DST: variants seen among roughly 807,000 people sequenced by gnomAD.
DST encodes dystonin.
DST carries 253 observed loss-of-function variants against 875.2 expected under a neutral mutation model. The observed-to-expected ratio is 0.29, with a 90% CI of 0.26 to 0.32. The LOEUF (loss-of-function observed/expected upper bound fraction) is 0.32. Among genes scored for constraint, DST ranks in the 10% least tolerant of loss-of-function variants. DST has a pLI of 1.00. For missense variants in DST, 8,287 were observed against 9,111.6 expected, an observed-to-expected ratio of 0.91 and a Z score of 3.68; for synonymous variants, 3,124 against 3,197.1, an observed-to-expected ratio of 0.98 and a Z score of 0.77.
chr6:56,698,329 A>T (rs55940201), intron 9 of DST, among the ~76,000 whole-genome samples: 12,436 of 144,110 alleles, frequency 0.086, 1,709 homozygotes, highest in African/African-American at 0.29. Flanking sequence ...AAAAAAAAAA[A>T]TTTTTTTTTT....
intron 4 of DST, among the ~76,000 whole-genome samples, chr6:56,811,859 C>T (rs931679614): frequency 1.3e-5 from 2 of 151,968 alleles, no homozygotes; most frequent in African/African-American, 4.8e-5. Context: ...CTTTGGGAGG[C>T]CAAGGCAGGT....
At position 56,554,975 on chromosome 6, in the gene DST, T is replaced by C. The variant is rs116320194; in HGVS notation, c.15136+370A>G. Among the ~76,000 whole-genome samples the C allele has an allele frequency of 8.9e-3, 1,360 of 152,330 alleles. 19 individuals are homozygous for C. The highest frequency in any genetic ancestry group is 0.032 in the African/African-American group (1,310 of 41,574). ...GTTTTCTATGACAGAATAGATAAAG[T>C]AACAGCAGATGAGAAGATGATGCAA... On this transcript the variant is annotated intron_variant, in intron 60 of 103. Transcript: ENST00000680361.
In DST at chr6:56,509,840, G is replaced by A; in HGVS notation, c.18814C>T (p.Leu6272=). ...CTCAGACGTTCCACGATGCGTTCCAGGCTCTCAAGGATCTGATCTATCTTG... is the reference window on the plus strand; with the variant it reads ...CTCAGACGTTCCACGATGCGTTCCAAGCTCTCAAGGATCTGATCTATCTTG... ...HDKIDQILES[L]ERIVERLRQP... The change falls in exon 74 of 104, where the codon CTG becomes TTG. Residue 6272 remains leucine, a synonymous_variant. Transcript: ENST00000680361. The A allele has an allele frequency of 6.2e-7, 1 of 1,613,284 alleles. No individual in the cohort carries two copies. The highest frequency in any genetic ancestry group is 8.5e-7 in the Non-Finnish European group (1 of 1,179,552).
intron 4 of DST, among the ~76,000 whole-genome samples, chr6:56,755,023 G>A (rs1010383606): frequency 6.6e-6 from 1 of 150,674 alleles, no homozygotes; most frequent in Non-Finnish European, 1.5e-5. Context: ...TTTCAGCTCC[G>A]AAGTACATTC....
chr6:56,643,035 T>A, intron 15 of DST: 1 of 785,930 alleles, frequency 1.3e-6, no homozygotes, highest in Non-Finnish European at 1.9e-6. Flanking sequence ...TAGCTTGTAT[T>A]AAAACCCTAC....
chr6:56,877,169 T>A (rs2127624822), intron 3 of DST, among the ~76,000 whole-genome samples: 1 of 152,360 alleles, frequency 6.6e-6, no homozygotes, highest in Middle Eastern at 3.4e-3. Context: ...GACTGTGCAA[T>A]GTAAACCCAT....
At chr6:56,475,434 C>CACACACACACAA (rs1554218118) in intron 92 of DST, among the ~76,000 whole-genome samples, 5 of 144,736 alleles carry the variant, frequency 3.5e-5, no homozygotes, top group African/African-American at 1.3e-4. Context: ...CACACACACA[C>CACACACACACAA]AAAATAATGG....
rs577129635 is a variant in DST, at chr6:56,778,988, A to C, written c.626-43699T>G. On this transcript the variant is annotated intron_variant, in intron 4 of 103. Transcript: ENST00000680361. ...ACTTCCACAATGGTTGAATGAGTTT[A>C]CAGTCCCACCAATAGCGTAAAAGTG... Among the ~76,000 whole-genome samples, 21 of 152,194 alleles carry C rather than the reference A, an allele frequency of 1.4e-4. No individual in the cohort carries two copies. The South Asian group carries it at 3.1e-3, about 23-fold the overall frequency.
At chr6:56,704,635 A>C (rs185999644) in intron 5 of DST, among the ~76,000 whole-genome samples, 3 of 152,348 alleles carry the variant, frequency 2.0e-5, no homozygotes, top group Non-Finnish European at 4.4e-5. Flanking sequence ...GGACTACTAC[A>C]TGGGGTTACA....
intron 75 of DST, among the ~76,000 whole-genome samples, chr6:56,507,834 C>T (rs1193620405): frequency 1.3e-5 from 2 of 152,006 alleles, no homozygotes; most frequent in Admixed American, 6.6e-5. Flanking sequence ...GCAGGGGATG[C>T]CTCTGACGGG....
intron 77 of DST, among the ~76,000 whole-genome samples, chr6:56,504,531 C>T (rs1244427920): frequency 6.6e-6 from 1 of 152,036 alleles, no homozygotes; most frequent in East Asian, 1.9e-4. Context: ...TTGACTCAAA[C>T]CCTTACATAT....
At chr6:56,925,906 A>G (rs144545554) in intron 2 of DST, among the ~76,000 whole-genome samples, 22 of 152,308 alleles carry the variant, frequency 1.4e-4, no homozygotes, top group African/African-American at 5.3e-4. Context: ...GGAAAAATAA[A>G]CCAAAATTTC....
At chr6:56,765,631 T>G (rs2099631477) in intron 4 of DST, among the ~76,000 whole-genome samples, 1 of 152,182 alleles carries the variant, frequency 6.6e-6, no homozygotes, top group South Asian at 2.1e-4. Flanking sequence ...AATCTGTGCT[T>G]AGAGAACAGA....
intron 49 of DST, among the ~76,000 whole-genome samples, chr6:56,590,016 G>A (rs188206230): frequency 8.5e-4 from 130 of 152,288 alleles, no homozygotes; most frequent in Non-Finnish European, 1.4e-3. Flanking sequence ...TCAAAGAAAT[G>A]GAGGCCACCT....
At position 56,538,210 on chromosome 6, in the gene DST, A is replaced by T. The variant is rs1383506279; in HGVS notation, c.16609-1270T>A. ...CCACTATGTTGTCCAGGCTGGTCTC[A>T]AACTCCTGGGCTCAAGCAACCTTCT... On this transcript the variant is annotated intron_variant, in intron 61 of 103. Transcript: ENST00000680361. 5.3e-5 allele frequency among the ~76,000 whole-genome samples: 8 copies of T among 152,102 alleles called. No homozygotes were observed. In the East Asian group the frequency reaches 1.5e-3, roughly 29 times the overall value.
In DST at chr6:56,608,412, G is replaced by T. The variant is rs761837420; in HGVS notation, c.6216C>A (p.Leu2072=). Residue 2072 remains leucine, a synonymous_variant, in exon 40 of 104, where the codon CTC becomes CTA. Transcript: ENST00000680361. ...VLEAQRGYVG[L]IWPHSGEIFP... ...ATATTTCACCAGAATGGGGCCAAAT[G>T]AGTCCAACATAGCCTCGCTGAGCTT... The T allele has an allele frequency of 6.2e-7, 1 of 1,613,620 alleles. No individual in the cohort carries two copies. Among genetic ancestry groups the T allele is most frequent in the Admixed American group, 1.7e-5 (1 of 59,978 alleles).
chr6:56,472,847 GT>G (rs1582352751), intron 93 of DST, among the ~76,000 whole-genome samples: 2 of 152,150 alleles, frequency 1.3e-5, no homozygotes, highest in African/African-American at 4.8e-5. Context: ...CTTTCTGGCT[GT>G]TTTCCACAAG....
At chr6:56,670,837 A>G in intron 9 of DST, 30 bp from the exon 10 acceptor site, 1 of 1,466,932 alleles carries the variant, frequency 6.8e-7, no homozygotes, top group Non-Finnish European at 9.2e-7. Flanking sequence ...TTAAACCTTT[A>G]GGAAGGAAGG....
At chr6:56,884,760 A>G (rs1434297437) in intron 3 of DST, among the ~76,000 whole-genome samples, 1 of 151,098 alleles carries the variant, frequency 6.6e-6, no homozygotes, top group Non-Finnish European at 1.5e-5. Flanking sequence ...ATGGAGTCTC[A>G]CTCTGTTGCC....
Sources: gnomAD v4.1 joint callset for allele counts (sites outside exome capture counted in the v4.1 genomes callset) on GRCh38, gnomAD v4.1.1 for gene constraint, MANE v1.5 for transcripts, NCBI Gene and HGNC (gene_info 2026-07-23, HGNC 2026-07-21) for gene names.